Variants in SIRPA observed in about 807,000 individuals in gnomAD.
SIRPA encodes signal regulatory protein alpha, also known as tyrosine-protein phosphatase non-receptor type substrate 1.
Under a neutral mutation model 50.3 loss-of-function variants are expected in SIRPA, and 9 were observed. The observed-to-expected ratio is 0.18, with a 90% CI of 0.11 to 0.31. The LOEUF (loss-of-function observed/expected upper bound fraction) is 0.31. Among genes scored for constraint, SIRPA ranks in the 10% least tolerant of loss-of-function variants. SIRPA has a pLI of 1.00. For synonymous variants in SIRPA, 265 were observed against 284.1 expected, an observed-to-expected ratio of 0.93 and a Z score of 0.68; for missense variants, 474 against 661.6, an observed-to-expected ratio of 0.72 and a Z score of 3.11.
chr20:1,919,052 C>T (rs990842312), intron 2 of SIRPA, among the ~76,000 whole-genome samples: 18 of 152,338 alleles, frequency 1.2e-4, no homozygotes, highest in Non-Finnish European at 1.5e-4. Flanking sequence ...GGGCAGCAGG[C>T]GCCTGGCCTG....
At chr20:1,908,103 A>G (rs1984654408) in intron 1 of SIRPA, among the ~76,000 whole-genome samples, 1 of 152,162 alleles carries the variant, frequency 6.6e-6, no homozygotes, top group Admixed American at 6.5e-5. Flanking sequence ...GTTGACCGCC[A>G]GGAGCCCATG....
In SIRPA at chr20:1,921,513, C is replaced by A. The variant is rs764778039; in HGVS notation, c.555C>A (p.Phe185Leu). The A allele has an allele frequency of 6.2e-7, 1 of 1,614,080 alleles. No individual in the cohort carries two copies. The highest frequency in any genetic ancestry group is 1.1e-5 in the South Asian group (1 of 91,074). Residue 185 changes from phenylalanine (F) to leucine (L), a missense_variant, in exon 3 of 8, where the codon TTC becomes TTA. Physicochemically the swap from Phe to Leu is conservative, Grantham distance 22. Transcript: ENST00000358771. ...FSPRDITLKW[F>L]KNGNELSDFQ... is the part of the protein sequence containing the mutation. ...CCAGAGACATCACCCTGAAATGGTTCAAAAATGGGAATGAGCTCTCAGACT... is the reference window on the plus strand; with the variant it reads ...CCAGAGACATCACCCTGAAATGGTTAAAAAATGGGAATGAGCTCTCAGACT...
At position 1,934,801 on chromosome 20, in the gene SIRPA, G is replaced by T; in HGVS notation, c.1266+47G>T. On this transcript the variant is annotated intron_variant, in intron 7 of 7. Transcript: ENST00000358771. The surrounding 1 kb of genome is among the most constrained non-coding windows in gnomAD (Gnocchi z 4.6). Reference sequence around the variant, plus strand: ...CCTTCCTGGGAAACTCCGTGGCGTGGTTGCTTCACATCAACCGGAATTGCA... The same window carrying T: ...CCTTCCTGGGAAACTCCGTGGCGTGTTTGCTTCACATCAACCGGAATTGCA... 6.2e-7 allele frequency: 1 copy of T among 1,607,522 alleles called. No individual in the cohort carries two copies. Among genetic ancestry groups the T allele is most frequent in the South Asian group, 1.1e-5 (1 of 90,734 alleles).
intron 1 of SIRPA, among the ~76,000 whole-genome samples, chr20:1,901,221 A>G (rs1317721369): frequency 8.4e-6 from 1 of 118,404 alleles, no homozygotes; most frequent in Non-Finnish European, 1.6e-5. Flanking sequence ...CCCAGGCTGG[A>G]GTGCAGTGGT....
Position 1,927,292 on chromosome 20 carries a change from A to G in SIRPA, c.1202-583A>G, listed in dbSNP as rs2122146232. 6.6e-6 allele frequency among the ~76,000 whole-genome samples: 1 copy of G among 152,324 alleles called. No individual in the cohort carries two copies. The highest frequency in any genetic ancestry group is 1.5e-5 in the Non-Finnish European group (1 of 68,024). ...TGGGTTACCCCATATCACAGGTTTA[A>G]AACCTCTGAACCAGATGGACACTTT... On this transcript the variant is annotated intron_variant, in intron 5 of 7. Transcript: ENST00000358771. This position sits in a 1 kb window ranked among gnomAD's most constrained non-coding sequence, Gnocchi z 6.5.
rs554916036 is a variant in SIRPA, at chr20:1,921,063, G to A, written c.437-332G>A. Among the ~76,000 whole-genome samples, 96 of 152,346 alleles carry A rather than the reference G, an allele frequency of 6.3e-4. No individual in the cohort carries two copies. The Middle Eastern group carries it at 0.01, about 16-fold the overall frequency. On this transcript the variant is annotated intron_variant, in intron 2 of 7. Coordinates refer to ENST00000358771, the MANE Select transcript of SIRPA (RefSeq NM_001040023.2). ...TGCCAGGGGAGGCAGGGTAGAAACA[G>A]TTAATACCAAGGATGAGATGGATCG...
chr20:1,929,770 G>T (rs1986193523), intron 6 of SIRPA, among the ~76,000 whole-genome samples: 1 of 152,060 alleles, frequency 6.6e-6, no homozygotes, highest in African/African-American at 2.4e-5. Context: ...TCATGCTTGT[G>T]CCTGTCACAC....
rs781186178 is a variant in SIRPA at position 1,937,293 on chromosome 20, C to T, written c.1267-27C>T. On this transcript the variant is annotated intron_variant, in intron 7 of 7. Transcript: ENST00000358771. This position sits in a 1 kb window ranked among gnomAD's most constrained non-coding sequence, Gnocchi z 8.3. ...GGGCTATAGAATGACCTTCTCATGA[C>T]TTTCTCTTTGGGTATCTTAAATCCA... The T allele has an allele frequency of 8.1e-6, 13 of 1,602,278 alleles. No homozygotes were observed. The highest frequency in any genetic ancestry group is 8.0e-5 in the African/African-American group (6 of 74,676).
chr20:1,918,133 T>G (rs1187948089), intron 2 of SIRPA, among the ~76,000 whole-genome samples: 1 of 152,122 alleles, frequency 6.6e-6, no homozygotes, highest in African/African-American at 2.4e-5. Flanking sequence ...GGATTTGAGT[T>G]CCTGTGTATA....
At chr20:1,897,056 G>T (rs934158159) in intron 1 of SIRPA, among the ~76,000 whole-genome samples, 2 of 152,158 alleles carry the variant, frequency 1.3e-5, no homozygotes, top group Non-Finnish European at 2.9e-5. Context: ...ACCCTTCTCC[G>T]ACCAGGAGGC....
chr20:1,900,832 T>C (rs1984148492), intron 1 of SIRPA, among the ~76,000 whole-genome samples: 1 of 152,254 alleles, frequency 6.6e-6, no homozygotes, highest in South Asian at 2.1e-4. Flanking sequence ...GGTTCTCTGC[T>C]TCCTGGGCTC....
At chr20:1,916,376 G>T (rs553612827) in intron 2 of SIRPA, among the ~76,000 whole-genome samples, 1 of 152,152 alleles carries the variant, frequency 6.6e-6, no homozygotes, top group Non-Finnish European at 1.5e-5. Context: ...ACAGTCATAG[G>T]CCCAGTTAGT....
chr20:1,910,150 G>A (rs1440680981), intron 1 of SIRPA, among the ~76,000 whole-genome samples: 1 of 152,128 alleles, frequency 6.6e-6, no homozygotes. Flanking sequence ...CCTCGAGGGT[G>A]GAAGCTCCAT....
At chr20:1,913,589 C>G (rs1262652792) in intron 1 of SIRPA, among the ~76,000 whole-genome samples, 3 of 152,158 alleles carry the variant, frequency 2.0e-5, no homozygotes, top group Admixed American at 6.5e-5. Flanking sequence ...AACTGGGGCC[C>G]CAGGTCACCT....
At chr20:1,923,637 G>A (rs1395006080) in intron 4 of SIRPA, among the ~76,000 whole-genome samples, 1 of 143,672 alleles carries the variant, frequency 7.0e-6, no homozygotes, top group Non-Finnish European at 1.5e-5. Context: ...GATGTGTAGG[G>A]CATTGGGCAA....
intron 4 of SIRPA, among the ~76,000 whole-genome samples, chr20:1,923,009 CATCTCCCTGGCTG>C (rs6147267): frequency 0.28 from 42,036 of 152,022 alleles, 5,911 homozygotes; most frequent in Admixed American, 0.34. Context: ...GCCCCTGCCT[CATCTCCCTGGCTG>C]CCATTGGGAG....
At chr20:1,900,030 T>TA (rs1984079586) in intron 1 of SIRPA, among the ~76,000 whole-genome samples, 1 of 152,024 alleles carries the variant, frequency 6.6e-6, no homozygotes, top group Non-Finnish European at 1.5e-5. Flanking sequence ...AGGGGGTACT[T>TA]AAAAAACAGC....
intron 3 of SIRPA, among the ~76,000 whole-genome samples, 154 bp downstream of exon 3, chr20:1,921,866 G>T (rs1985682618): frequency 6.6e-6 from 1 of 151,290 alleles, no homozygotes; most frequent in Non-Finnish European, 1.5e-5. Flanking sequence ...AGATGTGCCA[G>T]CCACTTACTA....
chr20:1,915,071 A>G, intron 1 of SIRPA, 28 bp from the exon 2 acceptor site: 1 of 1,574,194 alleles, frequency 6.4e-7, no homozygotes, highest in Admixed American at 1.8e-5. Context: ...TAAGGATGAA[A>G]AAATGACTGC....
Sources: allele counts gnomAD v4.1 joint callset (sites outside exome capture counted in the v4.1 genomes callset), GRCh38; gene constraint gnomAD v4.1.1; non-coding constraint Gnocchi (gnomAD v3.1); transcripts MANE v1.5; gene names NCBI Gene and HGNC (gene_info 2026-07-23, HGNC 2026-07-21).